KIAA1217: variants seen among roughly 807,000 people sequenced by gnomAD.
KIAA1217 encodes the protein KIAA1217.
Under a neutral mutation model 163.9 loss-of-function variants are expected in KIAA1217, and 88 were observed. The observed-to-expected ratio is 0.54, with a 90% confidence interval of 0.45 to 0.64. The LOEUF (loss-of-function observed/expected upper bound fraction) is 0.64. Ranked by LOEUF, KIAA1217 falls within the 30% of genes least tolerant of loss-of-function variation. The probability of loss-of-function intolerance (pLI) is 0.00; values close to 1 mark genes in which losing one functional copy is unlikely to be tolerated. For synonymous variants in KIAA1217, 903 were observed against 923.1 expected, an observed-to-expected ratio of 0.98 and a Z score of 0.39; for missense variants, 2,372 against 2,475.0, an observed-to-expected ratio of 0.96 and a Z score of 0.88.
At chr10:24,444,714 G>T (rs560466310) in intron 5 of KIAA1217, among the ~76,000 whole-genome samples, 1 of 152,264 alleles carries the variant, frequency 6.6e-6, no homozygotes, top group East Asian at 1.9e-4. Flanking sequence ...CTCATCACCA[G>T]AAATAGTTGT....
chr10:23,732,348 A>G (rs191436292), intron 1 of KIAA1217, among the ~76,000 whole-genome samples: 11 of 152,238 alleles, frequency 7.2e-5, no homozygotes, highest in Admixed American at 7.2e-4. Flanking sequence ...AAAATGTTCA[A>G]AAAAACCCAA....
intron 1 of KIAA1217, among the ~76,000 whole-genome samples, chr10:23,699,407 C>A (rs1836273981): frequency 6.6e-6 from 1 of 152,216 alleles, no homozygotes; most frequent in African/African-American, 2.4e-5. Context: ...CTGTAGTTTT[C>A]ATGACACAGC....
intron 14 of KIAA1217, among the ~76,000 whole-genome samples, chr10:24,528,555 C>G (rs530109983): frequency 1.3e-5 from 2 of 152,144 alleles, no homozygotes; most frequent in African/African-American, 4.8e-5. Context: ...TCTCGAACTT[C>G]TGGCCTCAAG....
intron 1 of KIAA1217, among the ~76,000 whole-genome samples, chr10:23,765,041 A>T (rs1834441048): frequency 6.6e-6 from 1 of 152,174 alleles, no homozygotes; most frequent in Non-Finnish European, 1.5e-5. Flanking sequence ...TAAAATAAGT[A>T]AAGTTTTAAA....
chr10:24,081,072 T>C (rs1202450200), intron 2 of KIAA1217, among the ~76,000 whole-genome samples: 1 of 152,236 alleles, frequency 6.6e-6, no homozygotes, highest in African/African-American at 2.4e-5. Flanking sequence ...GATTGTGTTG[T>C]AGATGAGCTG....
intron 2 of KIAA1217, among the ~76,000 whole-genome samples, chr10:24,365,711 TA>T (rs1221358957): frequency 6.6e-6 from 1 of 152,202 alleles, no homozygotes; most frequent in East Asian, 1.9e-4. Context: ...TTTATTTATT[TA>T]TTTTTTTAAC....
intron 2 of KIAA1217, among the ~76,000 whole-genome samples, chr10:24,225,120 T>C (rs1040157916): frequency 2.0e-5 from 3 of 152,232 alleles, no homozygotes; most frequent in South Asian, 2.1e-4. Context: ...CCACCATGCC[T>C]GGCCCAATCA....
chr10:24,489,860 CAAAAAAAAAAAAA>C (rs11393718), intron 6 of KIAA1217, among the ~76,000 whole-genome samples: 3 of 64,914 alleles, frequency 4.6e-5, no homozygotes, highest in East Asian at 5.6e-4. Context: ...GAGAACCTGT[CAAAAAAAAAAAAA>C]AAAAAAAAAA....
chr10:24,479,963 C>T (rs1468902878), intron 6 of KIAA1217, among the ~76,000 whole-genome samples: 1 of 152,206 alleles, frequency 6.6e-6, no homozygotes, highest in East Asian at 1.9e-4. Flanking sequence ...AAACACCTTC[C>T]ACTAGGCCCC....
chr10:24,279,886 A>G (rs750295663), intron 2 of KIAA1217, among the ~76,000 whole-genome samples: 7 of 152,252 alleles, frequency 4.6e-5, no homozygotes, highest in Non-Finnish European at 7.3e-5. Flanking sequence ...AGTTGCAACT[A>G]ACATTCTAAG....
At chr10:24,361,258 G>A (rs1406752288) in intron 2 of KIAA1217, among the ~76,000 whole-genome samples, 1 of 152,030 alleles carries the variant, frequency 6.6e-6, no homozygotes, top group Non-Finnish European at 1.5e-5. Context: ...GCAATCACAG[G>A]TCACTGAAGC....
chr10:24,052,966 G>A (rs1229759544), intron 2 of KIAA1217, among the ~76,000 whole-genome samples: 1 of 152,078 alleles, frequency 6.6e-6, no homozygotes, highest in African/African-American at 2.4e-5. Flanking sequence ...TGAGAATTTG[G>A]AAATCTAGAC....
intron 10 of KIAA1217, among the ~76,000 whole-genome samples, chr10:24,516,607 TG>T (rs2070211007): frequency 6.6e-6 from 1 of 152,206 alleles, no homozygotes; most frequent in Non-Finnish European, 1.5e-5. Flanking sequence ...GTTTGGTTTT[TG>T]TTTTTGATCA....
intron 1 of KIAA1217, among the ~76,000 whole-genome samples, chr10:23,847,457 G>C (rs1017993318): frequency 6.6e-6 from 1 of 152,132 alleles, no homozygotes; most frequent in African/African-American, 2.4e-5. Flanking sequence ...AAACTCGGGA[G>C]GGTGTATGTG....
chr10:24,271,612 C>T (rs913209458), intron 2 of KIAA1217, among the ~76,000 whole-genome samples: 10 of 151,838 alleles, frequency 6.6e-5, no homozygotes, highest in Non-Finnish European at 1.2e-4. Context: ...ATTAGCCAGG[C>T]GTGGTGGCAT....
chr10:23,820,173 A>G (rs1426452030), intron 1 of KIAA1217, among the ~76,000 whole-genome samples: 1 of 152,198 alleles, frequency 6.6e-6, no homozygotes, highest in Non-Finnish European at 1.5e-5. Flanking sequence ...TGAGGCAAAC[A>G]TCGAAGCATA....
chr10:24,337,630 C>G (rs202098131), intron 2 of KIAA1217, among the ~76,000 whole-genome samples: 1 of 57,412 alleles, frequency 1.7e-5, no homozygotes, highest in Non-Finnish European at 3.3e-5. Context: ...CTTTTCTTTT[C>G]TTTTCTTTTC....
chr10:24,387,062 C>G (rs1379830962), intron 3 of KIAA1217, among the ~76,000 whole-genome samples: 1 of 152,136 alleles, frequency 6.6e-6, no homozygotes, highest in Non-Finnish European at 1.5e-5. Flanking sequence ...TCTTAGGCTG[C>G]TAGCATAGAA....
intron 2 of KIAA1217, among the ~76,000 whole-genome samples, chr10:24,375,871 C>T (rs1031366423): frequency 1.6e-4 from 24 of 152,198 alleles, no homozygotes; most frequent in Admixed American, 1.3e-3. Context: ...TAACATATTA[C>T]GTAAAGCTAC....
Sources: gnomAD v4.1 joint callset for allele counts (sites outside exome capture counted in the v4.1 genomes callset) on GRCh38, gnomAD v4.1.1 for gene constraint, MANE v1.5 for transcripts, NCBI Gene and HGNC (gene_info 2026-07-23, HGNC 2026-07-21) for gene names.